TRIM49C: variants seen among roughly 807,000 people sequenced by gnomAD.
TRIM49C encodes the protein tripartite motif containing 49C.
A neutral mutation model predicts 21.4 loss-of-function variants in TRIM49C; 6 were observed. That is an observed-to-expected ratio of 0.28 (90% CI 0.15 to 0.55). TRIM49C has a LOEUF of 0.55. TRIM49C is among the 20% of genes least tolerant of loss of function. The pLI, the probability that TRIM49C is intolerant of heterozygous loss-of-function variation, is 0.94. For synonymous variants in TRIM49C, 57 were observed against 148.1 expected (o/e 0.38, Z 4.47); for missense variants, 161 against 442.4 (o/e 0.36, Z 5.71).
At chr11:90,071,769 G>C in the TRIM49C span, 1 of 1,162,806 alleles carries the variant, frequency 8.6e-7, no homozygotes, top group South Asian at 1.3e-5. Context: ...CACAGGACCG[G>C]TGGACAGGCT....
chr11:90,059,838 C>A, the TRIM49C span, among the ~76,000 whole-genome samples: 5 of 146,684 alleles, frequency 3.4e-5, 1 homozygote, highest in African/African-American at 1.3e-4. Flanking sequence ...AGGCCCGGGT[C>A]ATTGATGCTT....
chr11:90,058,383 AT>A, the TRIM49C span, among the ~76,000 whole-genome samples: 25 of 119,962 alleles, frequency 2.1e-4, 4 homozygotes, highest in South Asian at 6.5e-3. Flanking sequence ...TCTAAAATGT[AT>A]TTTTTTCTTC....
chr11:90,063,122 G>A, the TRIM49C span: 33 of 600,620 alleles, frequency 5.5e-5, 3 homozygotes, highest in Admixed American at 2.0e-4. Flanking sequence ...CCAACATGTC[G>A]AATAAGTTAG....
At chr11:90,046,565 A>G (rs1218878472), downstream of TRIM49C, among the ~76,000 whole-genome samples, 2 of 122,044 alleles carry the variant, frequency 1.6e-5, no homozygotes, top group African/African-American at 3.3e-5. Flanking sequence ...AGAGGTGTTT[A>G]TAGTATTCAC....
downstream of TRIM49C, among the ~76,000 whole-genome samples, chr11:90,046,514 G>A (rs1307771431): frequency 1.6e-5 from 2 of 123,194 alleles, 1 homozygote; most frequent in East Asian, 5.0e-4. Context: ...TTGGGAGAGT[G>A]TATGTGTCCA....
the TRIM49C span, among the ~76,000 whole-genome samples, chr11:90,055,890 C>T: frequency 2.9e-5 from 4 of 138,880 alleles, no homozygotes; most frequent in African/African-American, 7.7e-5. Context: ...GCAGGTAAGC[C>T]GGTGCCCTAG....
chr11:90,057,543 T>C, the TRIM49C span: 1 of 671,746 alleles, frequency 1.5e-6, no homozygotes, highest in South Asian at 2.4e-5. Flanking sequence ...CATAGTGTCT[T>C]AGGACAGTAT....
chr11:90,048,635 C>T, the TRIM49C span, among the ~76,000 whole-genome samples: 5,788 of 134,200 alleles, frequency 0.043, 630 homozygotes, highest in African/African-American at 0.16. Context: ...TTAAGGACTT[C>T]TCTACCTTGG....
chr11:90,063,544 A>G, the TRIM49C span, among the ~76,000 whole-genome samples: 1 of 142,888 alleles, frequency 7.0e-6, no homozygotes. Flanking sequence ...TCTACTAAAA[A>G]TACAAAAAAT....
chr11:90,073,369 CT>C, the TRIM49C span: 1 of 649,628 alleles, frequency 1.5e-6, no homozygotes, highest in Non-Finnish European at 2.7e-6. Flanking sequence ...TCAGGTCTTT[CT>C]TTTACACTGG....
chr11:90,071,318 T>C, the TRIM49C span: 3,442 of 396,608 alleles, frequency 8.7e-3, 38 homozygotes, highest in Non-Finnish European at 0.012. Context: ...TGTGTTTGTG[T>C]GGTATGTTGA....
At position 90,031,128 on chromosome 11, in the gene TRIM49C, T is replaced by C. The variant is rs1950684816; in HGVS notation, c.-307T>C. 7.9e-6 allele frequency: 1 copy of C among 127,080 alleles called. No homozygotes were observed. Among genetic ancestry groups the C allele is most frequent in the Non-Finnish European group, 1.7e-5 (1 of 60,260 alleles). The allele number at this position is 127,080 out of a possible 1,614,324, so 7.9% of individuals were successfully genotyped here. ...ACTCTAATCTTCCAGTTGCCCCCTA[T>C]TGACTTTAAACCAAAGCTTTGATTC... is the stretch of plus-strand genomic sequence containing the variant. On this transcript the variant is annotated 5_prime_UTR_variant, in exon 1 of 8. Transcript: ENST00000448984.
chr11:90,062,431 T>C, the TRIM49C span, among the ~76,000 whole-genome samples: 6 of 138,896 alleles, frequency 4.3e-5, no homozygotes, highest in African/African-American at 1.7e-4. Context: ...GAGTGCCAAA[T>C]TAGCCAGCAA....
chr11:90,065,114 GA>G, the TRIM49C span, among the ~76,000 whole-genome samples: 3 of 134,768 alleles, frequency 2.2e-5, no homozygotes, highest in African/African-American at 8.0e-5. Flanking sequence ...TCACACTTAA[GA>G]AAAATCTAAC....
downstream of TRIM49C, among the ~76,000 whole-genome samples, chr11:90,043,468 A>G (rs1253116612): frequency 6.5e-5 from 8 of 122,824 alleles, 1 homozygote; most frequent in Non-Finnish European, 1.3e-4. Flanking sequence ...ACAAACCAAT[A>G]TATTATAAAT....
chr11:90,059,716 T>G, the TRIM49C span, among the ~76,000 whole-genome samples: 1 of 105,294 alleles, frequency 9.5e-6, no homozygotes, highest in Non-Finnish European at 1.8e-5. Context: ...GTCTTTAATC[T>G]TTTGTGCAAA....
At chr11:90,032,281 T>C (rs1264819909) in intron 1 of TRIM49C, 116 bp from the exon 2 acceptor site, 1 of 132,620 alleles carries the variant, frequency 7.5e-6, no homozygotes, top group Admixed American at 8.5e-5. Flanking sequence ...AGTGTGATGA[T>C]AATTTAATCA....
the TRIM49C span, among the ~76,000 whole-genome samples, chr11:90,071,486 G>A: frequency 7.0e-6 from 1 of 143,568 alleles, no homozygotes; most frequent in Non-Finnish European, 1.5e-5. Context: ...TTTGGTGGCA[G>A]ATAGGGAGAG....
At chr11:90,065,599 A>C in the TRIM49C span, among the ~76,000 whole-genome samples, 1 of 141,068 alleles carries the variant, frequency 7.1e-6, no homozygotes, top group East Asian at 2.2e-4. Context: ...TGAGGGCTCA[A>C]AGCTCAACAG....
Sources: allele counts gnomAD v4.1 joint callset (sites outside exome capture counted in the v4.1 genomes callset), GRCh38; gene constraint gnomAD v4.1.1; transcripts MANE v1.5; gene names NCBI Gene and HGNC (gene_info 2026-07-23, HGNC 2026-07-21).